The following NAALADL1 variants were observed in gnomAD, a reference collection of about 807,000 sequenced individuals.
NAALADL1 encodes the protein aminopeptidase NAALADL1.
A neutral mutation model predicts 82.8 loss-of-function variants in NAALADL1; 77 were observed. The ratio of observed to expected loss-of-function variants is 0.93; its 90% CI spans 0.77 to 1.12. The LOEUF is 1.12. Among genes scored for constraint, NAALADL1 ranks in the 50% most tolerant of loss-of-function variants. The pLI is 0.00. For synonymous variants in NAALADL1, 358 were observed against 399.2 expected, an observed-to-expected ratio of 0.90 and a Z score of 1.23; for missense variants, 956 against 964.0, an observed-to-expected ratio of 0.99 and a Z score of 0.11.
In NAALADL1 at chr11:65,046,105, A is replaced by C; in HGVS notation, c.1865T>G (p.Val622Gly). ...TGCCTCAAACTTCTCCACTGCAGTC[A>C]CCAGAGGCCCTGTGAGGAACAAGCA... is the stretch of plus-strand genomic sequence containing the variant. ...EQHSISLGPL[V>G]TAVEKFEAEA... Residue 622 changes from valine to glycine, a missense_variant, in exon 16 of 18, where the codon GTG (valine) becomes GGG (glycine). Transcript: ENST00000358658. The C allele has an allele frequency of 6.2e-7, 1 of 1,614,118 alleles. No individual in the cohort carries two copies. Among genetic ancestry groups the C allele is most frequent in the Non-Finnish European group, 8.5e-7 (1 of 1,180,028 alleles).
rs139658894 is a variant in NAALADL1, at chr11:65,058,129, C to T, written c.307G>A (p.Glu103Lys). ...TGGCTAGGGAAGGACAGCAGCACTT[C>T]GTACGTGGAGGCCTCGGCCGAGTCC... ...GLDSAEASTY[E>K]VLLSFPSQEQ... Residue 103 changes from glutamate (E) to lysine (K), a missense_variant, in exon 2 of 18, where the codon GAA becomes AAA. Transcript: ENST00000358658. The T allele has an allele frequency of 7.4e-5, 120 of 1,613,744 alleles. No individual in the cohort carries two copies. The African/African-American group carries it at 1.2e-3, about 16-fold the overall frequency.
rs149697032 is a variant in NAALADL1 at position 65,048,322 on chromosome 11, A to G, written c.1262T>C (p.Ile421Thr). Residue 421 changes from isoleucine (I) to threonine (T), a missense_variant, in exon 9 of 18, where the codon ATT (isoleucine) becomes ACT (threonine). Ile to Thr is a moderately conservative substitution (Grantham distance 89). Transcript: ENST00000358658. Reference sequence around the variant, plus strand: ...CACTTCTGTGAATTCCGTGGAGCCAATGAGCCCAAACTCCTCAGCCCCCCA... The same window carrying G: ...CACTTCTGTGAATTCCGTGGAGCCAGTGAGCCCAAACTCCTCAGCCCCCCA... Reference protein sequence around the residue: ...ASWGAEEFGLIGSTEFTEEFF... With the variant: ...ASWGAEEFGLTGSTEFTEEFF... The G allele has an allele frequency of 2.7e-5, 44 of 1,614,078 alleles. No individual in the cohort carries two copies. The highest frequency in any genetic ancestry group is 3.6e-5 in the Non-Finnish European group (42 of 1,180,038).
At position 65,050,700 on chromosome 11, in the gene NAALADL1, G is replaced by T. The variant is rs182843026; in HGVS notation, c.1199-2315C>A. On this transcript the variant is annotated intron_variant, in intron 8 of 17. Coordinates refer to ENST00000358658, the MANE Select transcript of NAALADL1 (RefSeq NM_005468.3). ...AGCTACTCAGGAGGCTGAGGCAGGAGAATGGCTTGAACCTGGAGGGCAGAG... is the reference window on the plus strand; with the variant it reads ...AGCTACTCAGGAGGCTGAGGCAGGATAATGGCTTGAACCTGGAGGGCAGAG... 6.5e-3 allele frequency among the ~76,000 whole-genome samples: 995 copies of T among 152,056 alleles called. 9 individuals carry two copies. Among genetic ancestry groups the T allele is most frequent in the African/African-American group, 0.023 (963 of 41,462 alleles).
At chr11:65,052,332 T>A (rs188027304) in intron 8 of NAALADL1, among the ~76,000 whole-genome samples, 1 of 151,726 alleles carries the variant, frequency 6.6e-6, no homozygotes, top group African/African-American at 2.4e-5. Context: ...TTTTTTTTTT[T>A]AGACGGGGTC....
chr11:65,053,164 G>C lies in NAALADL1; in HGVS notation c.1198+54C>G. ...GTGTGAGGGAGAGGAGGTGGAACAG[G>C]AAGGGGACCTCCGGGGGCGAAGGTC... On this transcript the variant is annotated intron_variant, in intron 8 of 17. Transcript: ENST00000358658. This position sits in a 1 kb window ranked among gnomAD's most constrained non-coding sequence, Gnocchi z 4.3. 1 of 1,489,590 alleles carries C rather than the reference G, an allele frequency of 6.7e-7. No homozygotes were observed. The highest frequency in any genetic ancestry group is 1.4e-5 in the African/African-American group (1 of 71,346). The allele number at this position is 1,489,590 out of a possible 1,614,324, so 92.3% of individuals were successfully genotyped here. A position where few individuals can be genotyped will look rare whatever the true frequency, so the allele number is the denominator to read the frequency against.
In NAALADL1 at chr11:65,045,892, T is replaced by C; in HGVS notation, c.1966A>G (p.Asn656Asp). The C allele has an allele frequency of 6.2e-7, 1 of 1,614,124 alleles. No individual in the cohort carries two copies. Among genetic ancestry groups the C allele is most frequent in the Non-Finnish European group, 8.5e-7 (1 of 1,180,002 alleles). ...CGTTCCAAGAGCATCAACTGGTCAT[T>C]GAGCATCCGGACCTGCAGGGGGCTG... Reference protein sequence around the residue: ...SPDPLQVRMLNDQLMLLERTF... With the variant: ...SPDPLQVRMLDDQLMLLERTF... Residue 656 changes from asparagine (N) to aspartate (D), a missense_variant, in exon 17 of 18, where the codon AAT becomes GAT. Transcript: ENST00000358658.
intron 13 of NAALADL1, among the ~76,000 whole-genome samples, 184 bp from the exon 14 acceptor site, chr11:65,046,710 T>C: frequency 6.6e-6 from 1 of 152,210 alleles, no homozygotes; most frequent in East Asian, 1.9e-4. Context: ...TGATATCACA[T>C]AGCTAATTAG....
chr11:65,053,128 G>A lies in NAALADL1; in HGVS notation c.1198+90C>T. 5 of 1,430,724 alleles carry A rather than the reference G, an allele frequency of 3.5e-6. No individual in the cohort carries two copies. The highest frequency in any genetic ancestry group is 3.7e-6 in the Non-Finnish European group (4 of 1,077,802). The allele number at this position is 1,430,724 out of a possible 1,614,324, so 88.6% of individuals were successfully genotyped here. The stretch of plus-strand genomic sequence containing the variant: ...CCCAGGGCCCTCAGGCATGGCACAA[G>A]GAGCACTGCAGTGTGAGGGAGAGGA... On this transcript the variant is annotated intron_variant, in intron 8 of 17. Transcript: ENST00000358658. The surrounding 1 kb of genome is among the most constrained non-coding windows in gnomAD (Gnocchi z 4.3).
chr11:65,051,489 C>T (rs1015120896), intron 8 of NAALADL1, among the ~76,000 whole-genome samples: 4 of 151,686 alleles, frequency 2.6e-5, no homozygotes, highest in Admixed American at 2.0e-4. Flanking sequence ...GCACATGTCA[C>T]CACGCCTGGC....
At chr11:65,059,866 T>A (rs145352914), upstream of NAALADL1, among the ~76,000 whole-genome samples, 88 of 152,024 alleles carry the variant, frequency 5.8e-4, no homozygotes, top group East Asian at 0.016. Context: ...TCTGAGGGGG[T>A]CCTCCAAGGC....
Position 65,044,855 on chromosome 11 carries a change from G to A in NAALADL1, c.*416C>T, listed in dbSNP as rs1229400827. On this transcript the variant is annotated 3_prime_UTR_variant, in exon 18 of 18. Transcript: ENST00000358658. The surrounding 1 kb of genome is among the most constrained non-coding windows in gnomAD (Gnocchi z 4.0). ...CAGTCACTAGATGTGATTTATTTGA[G>A]GGGCTGTTGTAGGGAGTTAGGATAC... The A allele has an allele frequency of 1.1e-5, 12 of 1,082,468 alleles. No individual in the cohort carries two copies. Among genetic ancestry groups the A allele is most frequent in the South Asian group, 3.3e-5 (2 of 60,822 alleles). 67.1% of individuals were successfully genotyped at this position (1,082,468 alleles called of 1,614,324 possible).
chr11:65,047,257 C>A (rs1432624287), intron 13 of NAALADL1, among the ~76,000 whole-genome samples: 2 of 152,046 alleles, frequency 1.3e-5, no homozygotes, highest in African/African-American at 4.8e-5. Flanking sequence ...ATGGTTTGAG[C>A]CCAGGAGTTC....
At chr11:65,050,239 G>C (rs1199654288) in intron 8 of NAALADL1, among the ~76,000 whole-genome samples, 1 of 151,680 alleles carries the variant, frequency 6.6e-6, no homozygotes, top group East Asian at 2.0e-4. Context: ...AGCACTTTGG[G>C]AGGCTGAGGT....
chr11:65,051,315 C>CT lies in NAALADL1; in HGVS notation c.1198+1902dup, dbSNP rs10535126. 3.2e-4 allele frequency among the ~76,000 whole-genome samples: 19 copies of CT among 59,576 alleles called. 1 individual carries two copies. In the South Asian group the frequency reaches 4.1e-3, roughly 13 times the overall value. 39.1% of individuals were successfully genotyped at this position (59,576 alleles called of 152,430 possible). A position where few individuals can be genotyped will look rare whatever the true frequency, so the allele number is the denominator to read the frequency against. ...AAGTCTCTCTCTCCTTTCTTTCTTT[C>CT]TTTTTTTTTTTTTTTTTTTTTTTTT... On this transcript the variant is annotated intron_variant, in intron 8 of 17. Transcript: ENST00000358658.
chr11:65,045,621 G>T, intron 17 of NAALADL1, 164 bp from the exon 18 acceptor site: 1 of 921,218 alleles, frequency 1.1e-6, no homozygotes, highest in Non-Finnish European at 1.6e-6. Context: ...GGCGGTCGGG[G>T]GAGGAAATGT....
intron 8 of NAALADL1, among the ~76,000 whole-genome samples, chr11:65,052,619 G>A (rs555008339): frequency 5.9e-5 from 9 of 152,232 alleles, no homozygotes; most frequent in South Asian, 2.1e-4. Flanking sequence ...GCCAGGAGCC[G>A]TTTAACATGA....
At chr11:65,048,464 A>C in intron 8 of NAALADL1, 79 bp from the exon 9 acceptor site, 1 of 1,515,100 alleles carries the variant, frequency 6.6e-7, no homozygotes, top group Non-Finnish European at 9.1e-7. Flanking sequence ...TGCTGACGTG[A>C]GGAGGGGAGA....
Position 65,045,821 on chromosome 11 carries a change from C to T in NAALADL1, c.2036+1G>A. 6.2e-7 allele frequency: 1 copy of T among 1,613,832 alleles called. No individual in the cohort carries two copies. Among genetic ancestry groups the T allele is most frequent in the Non-Finnish European group, 8.5e-7 (1 of 1,179,854 alleles). On this transcript the variant is annotated splice_donor_variant, in intron 17 of 17. Transcript: ENST00000358658. LOFTEE classifies it high-confidence loss of function. ...CTCCCAGGACTCTGGGACAGACTCA[C>T]CTGTAGTAGCGTTCCTCTGGGAAGG... is the stretch of plus-strand genomic sequence containing the variant.
At position 65,047,685 on chromosome 11, in the gene NAALADL1, G is replaced by T. The variant is rs987494137; in HGVS notation, c.1470C>A (p.Tyr490Ter). 1.9e-6 allele frequency: 3 copies of T among 1,608,432 alleles called. No homozygotes were observed. The highest frequency in any genetic ancestry group is 2.5e-6 in the Non-Finnish European group (3 of 1,178,190). ...CGTACACCGGGCTGCTGCGGTTGAA[G>T]TACCGGATCCAGTTGTCGTAGATGC... ...DLSIYDNWIRYFNRSSPVYGL... is the reference protein window; with the variant it reads ...DLSIYDNWIR Residue 490 changes from tyrosine (Y) to a stop codon, truncating the protein, a stop_gained, in exon 12 of 18, where the codon TAC (tyrosine) becomes TAA (stop). Coordinates refer to ENST00000358658, the MANE Select transcript of NAALADL1 (RefSeq NM_005468.3). LOFTEE classifies it high-confidence loss of function.
Sources: allele counts gnomAD v4.1 joint callset (sites outside exome capture counted in the v4.1 genomes callset), GRCh38; gene constraint gnomAD v4.1.1; non-coding constraint Gnocchi (gnomAD v3.1); transcripts MANE v1.5; gene names NCBI Gene and HGNC (gene_info 2026-07-23, HGNC 2026-07-21).